The following DPYD variants were observed in gnomAD, a reference collection of about 807,000 sequenced individuals.
DPYD encodes dihydropyrimidine dehydrogenase, also known as dihydropyrimidine dehydrogenase [NADP(+)].
Under a neutral mutation model 116.2 loss-of-function variants are expected in DPYD, and 109 were observed. The ratio of observed to expected loss-of-function variants is 0.94; its 90% CI spans 0.80 to 1.10. The LOEUF is 1.10. Among genes scored for constraint, DPYD ranks in the 50% least tolerant of loss-of-function variants. DPYD has a pLI of 0.00. For missense variants in DPYD, 1,302 were observed against 1,254.5 expected (o/e 1.04, Z -0.57); for synonymous variants, 440 against 432.0 (o/e 1.02, Z -0.23).
Position 97,082,352 on chromosome 1 carries a change from G to T in DPYD, c.2885C>A (p.Thr962Asn). Reference protein sequence around the residue: ...MCINCGKCYMTCNDSGYQAIQ... With the variant: ...MCINCGKCYMNCNDSGYQAIQ... ...TACCTGGTAGCCAGAATCATTACAG[G>T]TCATGTAGCATTTACCACAGTTGAT... The change falls in exon 22 of 23, where the codon ACC becomes AAC. Residue 962 changes from threonine to asparagine, a missense_variant. Coordinates refer to ENST00000370192, the MANE Select transcript of DPYD (RefSeq NM_000110.4). 6.2e-7 allele frequency: 1 copy of T among 1,613,458 alleles called. No individual in the cohort carries two copies. The highest frequency in any genetic ancestry group is 2.2e-5 in the East Asian group (1 of 44,836).
Position 97,751,460 on chromosome 1 carries a change from G to GTATATATATATA in DPYD, c.234-10993_234-10982dup, listed in dbSNP as rs1553233231. 3.9e-3 allele frequency among the ~76,000 whole-genome samples: 82 copies of GTATATATATATA among 21,274 alleles called. 3 individuals carry two copies. Among genetic ancestry groups the GTATATATATATA allele is most frequent in the African/African-American group, 5.0e-3 (29 of 5,780 alleles). 14.0% of individuals were successfully genotyped at this position (21,274 alleles called of 152,430 possible). On this transcript the variant is annotated intron_variant, in intron 3 of 22. Transcript: ENST00000370192. ...TGTGTGTGTGTGTGTGTGTGTGTGT[G>GTATATATATATA]TATATATATATATATATATATATAT...
At chr1:97,100,915 TTA>T (rs1207054925) in intron 20 of DPYD, among the ~76,000 whole-genome samples, 1 of 152,060 alleles carries the variant, frequency 6.6e-6, no homozygotes, top group African/African-American at 2.4e-5. Context: ...CATACATAAA[TTA>T]TGTTACACAG....
intron 21 of DPYD, among the ~76,000 whole-genome samples, chr1:97,093,765 T>C (rs1350471329): frequency 6.6e-6 from 1 of 152,176 alleles, no homozygotes; most frequent in Non-Finnish European, 1.5e-5. Context: ...GGCAATAGTT[T>C]CTGAAGACAT....
chr1:97,482,490 T>A (rs1317555375), intron 13 of DPYD, among the ~76,000 whole-genome samples: 2 of 152,208 alleles, frequency 1.3e-5, no homozygotes, highest in Non-Finnish European at 1.5e-5. Context: ...AGAAAATGTA[T>A]ACTTAAATTC....
chr1:97,619,673 T>C (rs1167956857), intron 8 of DPYD, among the ~76,000 whole-genome samples: 1 of 152,208 alleles, frequency 6.6e-6, no homozygotes, highest in Non-Finnish European at 1.5e-5. Context: ...TCTTATAACT[T>C]TGAAAAATGT....
chr1:97,322,140 C>T (rs55700077), intron 16 of DPYD, among the ~76,000 whole-genome samples: 29,964 of 136,656 alleles, frequency 0.22, 3,494 homozygotes, highest in Non-Finnish European at 0.27. Context: ...TGCTAGATGA[C>T]GCGTTAGTGG....
chr1:97,912,637 TG>T (rs1433938424), intron 1 of DPYD, among the ~76,000 whole-genome samples: 7 of 152,054 alleles, frequency 4.6e-5, no homozygotes, highest in African/African-American at 1.7e-4. Context: ...GTAATAATCA[TG>T]AAAAATAATT....
chr1:97,684,010 T>G (rs1216420921), intron 7 of DPYD, among the ~76,000 whole-genome samples: 1 of 152,158 alleles, frequency 6.6e-6, no homozygotes, highest in Non-Finnish European at 1.5e-5. Context: ...AGTTTACAAC[T>G]CAAGATTTTA....
intron 19 of DPYD, among the ~76,000 whole-genome samples, chr1:97,218,103 C>T (rs1660534108): frequency 6.6e-6 from 1 of 152,142 alleles, no homozygotes; most frequent in Non-Finnish European, 1.5e-5. Context: ...AACAGAACCA[C>T]ATCTGTATAC....
chr1:97,182,741 G>A (rs1657729177), intron 20 of DPYD, among the ~76,000 whole-genome samples: 1 of 151,974 alleles, frequency 6.6e-6, no homozygotes, highest in Admixed American at 6.6e-5. Context: ...CTCCAAGAAT[G>A]GTCATTACAG....
intron 18 of DPYD, among the ~76,000 whole-genome samples, chr1:97,246,729 A>C (rs576226309): frequency 6.6e-6 from 1 of 152,172 alleles, no homozygotes; most frequent in African/African-American, 2.4e-5. Context: ...ATCAATTTCT[A>C]TATGGCATTT....
intron 12 of DPYD, among the ~76,000 whole-genome samples, chr1:97,521,161 C>T (rs565922713): frequency 6.6e-5 from 10 of 152,244 alleles, no homozygotes; most frequent in East Asian, 1.9e-4. Context: ...TTTAAGTTAT[C>T]GCCATGCTAA....
chr1:97,570,454 A>C (rs1009089517), intron 11 of DPYD, among the ~76,000 whole-genome samples: 2 of 152,004 alleles, frequency 1.3e-5, no homozygotes, highest in Non-Finnish European at 2.9e-5. Flanking sequence ...TGCTGGCAGG[A>C]ATAATTCAAC....
intron 20 of DPYD, among the ~76,000 whole-genome samples, chr1:97,161,963 G>A (rs942377316): frequency 1.3e-5 from 2 of 151,674 alleles, no homozygotes; most frequent in Non-Finnish European, 2.9e-5. Context: ...TTTTAATCCA[G>A]TCTATCATTG....
chr1:97,381,277 C>T (rs1671946358), intron 15 of DPYD, among the ~76,000 whole-genome samples: 1 of 151,872 alleles, frequency 6.6e-6, no homozygotes, highest in Non-Finnish European at 1.5e-5. Context: ...TAATTAAAGG[C>T]TTTTGACTTA....
intron 11 of DPYD, among the ~76,000 whole-genome samples, chr1:97,573,479 A>G (rs140754360): frequency 4.6e-5 from 7 of 152,250 alleles, no homozygotes; most frequent in Admixed American, 3.9e-4. Flanking sequence ...CCATTCTTCT[A>G]TAAGAAACAA....
chr1:97,682,432 G>A (rs1660475393), intron 7 of DPYD, among the ~76,000 whole-genome samples: 1 of 151,906 alleles, frequency 6.6e-6, no homozygotes, highest in African/African-American at 2.4e-5. Flanking sequence ...TTTTGTGAAT[G>A]GGAACCTATT....
chr1:97,305,683 T>C (rs1040832433), intron 17 of DPYD, among the ~76,000 whole-genome samples: 1 of 151,990 alleles, frequency 6.6e-6, no homozygotes, highest in Non-Finnish European at 1.5e-5. Flanking sequence ...GCAATTTCCC[T>C]GGGATGGAAC....
intron 12 of DPYD, among the ~76,000 whole-genome samples, chr1:97,538,416 C>T (rs889833426): frequency 2.0e-5 from 3 of 152,162 alleles, no homozygotes; most frequent in African/African-American, 7.2e-5. Flanking sequence ...TGACCTGGGG[C>T]AGATTTGAAC....
Sources: allele counts gnomAD v4.1 joint callset (sites outside exome capture counted in the v4.1 genomes callset), GRCh38; gene constraint gnomAD v4.1.1; transcripts MANE v1.5; gene names NCBI Gene and HGNC (gene_info 2026-07-23, HGNC 2026-07-21).